Variants in CABIN1 observed in about 807,000 individuals in gnomAD.
The protein encoded by CABIN1 is calcineurin-binding protein cabin-1.
Under a neutral mutation model 227.7 loss-of-function variants are expected in CABIN1, and 133 were observed. That is an observed-to-expected ratio of 0.58 (90% CI 0.51 to 0.67). The LOEUF is 0.67. CABIN1 is among the 30% of genes least tolerant of loss of function. The pLI is 0.00. For synonymous variants in CABIN1, 1,086 were observed against 1,155.1 expected, an observed-to-expected ratio of 0.94 and a Z score of 1.21; for missense variants, 2,408 against 2,852.5, an observed-to-expected ratio of 0.84 and a Z score of 3.55.
intron 19 of CABIN1, 120 bp downstream of exon 19, chr22:24,076,404 G>T (rs1261830585): frequency 2.6e-6 from 2 of 759,918 alleles, no homozygotes; most frequent in African/African-American, 3.4e-5. Flanking sequence ...TCCCTCAGTG[G>T]GCCCACTGTG....
chr22:24,157,279 C>T lies in CABIN1; in HGVS notation c.4747-7121C>T, dbSNP rs544998568. Among the ~76,000 whole-genome samples the T allele has an allele frequency of 6.6e-5, 10 of 152,294 alleles. No homozygotes were observed. In the East Asian group the frequency reaches 1.9e-3, roughly 29 times the overall value. The stretch of plus-strand genomic sequence containing the variant: ...TGCGGGAGGGGCCAGACCCTCAGCT[C>T]CTCAGGGCATCAGGAAGATAGGGAG... On this transcript the variant is annotated intron_variant, in intron 29 of 36. Coordinates refer to ENST00000263119, the MANE Select transcript of CABIN1 (RefSeq NM_012295.4).
chr22:24,034,268 G>A (rs1289049286), intron 1 of CABIN1, among the ~76,000 whole-genome samples: 1 of 152,178 alleles, frequency 6.6e-6, no homozygotes, highest in Non-Finnish European at 1.5e-5. Context: ...CTGTGGCCTG[G>A]GGGCTGGGGA....
chr22:24,158,467 C>T (rs2045965781), intron 29 of CABIN1, among the ~76,000 whole-genome samples: 1 of 152,210 alleles, frequency 6.6e-6, no homozygotes, highest in Non-Finnish European at 1.5e-5. Context: ...GTGAAGGGCT[C>T]TGTGGTCATT....
chr22:24,067,403 AGGGTGAAC>A (rs573937895), intron 16 of CABIN1, among the ~76,000 whole-genome samples: 104 of 152,360 alleles, frequency 6.8e-4, no homozygotes, highest in African/African-American at 2.4e-3. Context: ...TGCGTGGCTC[AGGGTGAAC>A]CCCACACTTG....
At chr22:24,043,510 A>T (rs929910028) in intron 6 of CABIN1, among the ~76,000 whole-genome samples, 2 of 151,880 alleles carry the variant, frequency 1.3e-5, no homozygotes, top group African/African-American at 4.8e-5. Context: ...CCAGCACTTT[A>T]GGGGGCCAAG....
At chr22:24,042,818 C>CCGTG in intron 5 of CABIN1, 86 bp from the exon 6 acceptor site, 2 of 685,056 alleles carry the variant, frequency 2.9e-6, no homozygotes, top group South Asian at 1.6e-5. Context: ...AGAGATCTGA[C>CCGTG]TGTGTGTGTG....
chr22:24,145,333 A>G (rs898144495), intron 29 of CABIN1, among the ~76,000 whole-genome samples: 1 of 152,208 alleles, frequency 6.6e-6, no homozygotes, highest in African/African-American at 2.4e-5. Context: ...ACCATTCCTC[A>G]GGGCTCCAAA....
At chr22:24,043,619 G>A (rs1260519348) in intron 6 of CABIN1, among the ~76,000 whole-genome samples, 2 of 152,046 alleles carry the variant, frequency 1.3e-5, no homozygotes, top group Non-Finnish European at 1.5e-5. Flanking sequence ...GGACTTGATG[G>A]TGCGTGACTG....
intron 31 of CABIN1, among the ~76,000 whole-genome samples, chr22:24,165,994 G>A (rs2046423829): frequency 6.6e-6 from 1 of 152,218 alleles, no homozygotes; most frequent in South Asian, 2.1e-4. Context: ...CTTGAGGCAG[G>A]TGCAGCAGTA....
At chr22:24,152,218 T>C (rs1475805736) in intron 29 of CABIN1, among the ~76,000 whole-genome samples, 2 of 152,234 alleles carry the variant, frequency 1.3e-5, no homozygotes, top group East Asian at 1.9e-4. Context: ...CATTTCTGTC[T>C]TCCTCATCTC....
At chr22:24,121,493 C>G (rs1387213017) in intron 28 of CABIN1, among the ~76,000 whole-genome samples, 1 of 152,250 alleles carries the variant, frequency 6.6e-6, no homozygotes, top group Non-Finnish European at 1.5e-5. Context: ...GTTGGTGCCA[C>G]ACTGGAGCCT....
chr22:24,171,441 A>G (rs1300307849), intron 33 of CABIN1, among the ~76,000 whole-genome samples: 1 of 152,120 alleles, frequency 6.6e-6, no homozygotes, highest in African/African-American at 2.4e-5. Context: ...AGGTCCTTCC[A>G]CTGAGTCCCC....
chr22:24,085,284 G>A, intron 22 of CABIN1, 133 bp downstream of exon 22: 1 of 969,860 alleles, frequency 1.0e-6, no homozygotes, highest in Non-Finnish European at 1.6e-6. Flanking sequence ...CGGAATGAGA[G>A]GGTGGTTTAG....
At chr22:24,012,444 CAGACTGAG>C (rs1417571122) in intron 1 of CABIN1, among the ~76,000 whole-genome samples, 2 of 152,102 alleles carry the variant, frequency 1.3e-5, no homozygotes, top group African/African-American at 4.8e-5. Flanking sequence ...TGAGGGGAAA[CAGACTGAG>C]AGACTGACAT....
chr22:24,102,282 T>C (rs1033918049), intron 26 of CABIN1: 2 of 152,244 alleles, frequency 1.3e-5, no homozygotes, highest in Non-Finnish European at 2.9e-5. Flanking sequence ...AGCCCTGCTT[T>C]GGGATGTGTT....
At chr22:24,064,293 C>T (rs1045753893) in intron 15 of CABIN1, 106 bp downstream of exon 15, 2 of 1,223,300 alleles carry the variant, frequency 1.6e-6, no homozygotes, top group African/African-American at 1.5e-5. Flanking sequence ...GCAACCTACA[C>T]CTCTGGGGTT....
Position 24,165,621 on chromosome 22 carries a change from G to A in CABIN1, c.5002G>A (p.Ala1668Thr), listed in dbSNP as rs749527750. 116 of 1,611,684 alleles carry A rather than the reference G, an allele frequency of 7.2e-5. 1 individual carries two copies. The Admixed American group carries it at 8.5e-4, about 12-fold the overall frequency. Residue 1668 changes from alanine (A) to threonine (T), a missense_variant, in exon 31 of 37, where the codon GCA becomes ACA. By Grantham distance (58) the Ala-to-Thr change is moderately conservative. Around this residue, in one of 3 missense-constraint regions of CABIN1, gnomAD observed 714 missense variants for 773.8 expected, o/e 0.92. Coordinates refer to ENST00000263119, the MANE Select transcript of CABIN1 (RefSeq NM_012295.4). Reference protein sequence around the residue: ...KVLEDTLSELAEGSERPGPKV... With the variant: ...KVLEDTLSELTEGSERPGPKV... The stretch of plus-strand genomic sequence containing the variant: ...GCTCGAAGACACGCTGAGCGAGCTC[G>A]CAGAGGTATGCCACCTGTGTCCTCC...
intron 3 of CABIN1, among the ~76,000 whole-genome samples, chr22:24,037,939 A>G (rs1239900861): frequency 6.6e-6 from 1 of 152,206 alleles, no homozygotes; most frequent in Non-Finnish European, 1.5e-5. Flanking sequence ...AAAACACTTT[A>G]CATTTACCAA....
At chr22:24,059,869 C>G (rs1399093944) in intron 11 of CABIN1, 55 bp from the exon 12 acceptor site, 2 of 1,470,656 alleles carry the variant, frequency 1.4e-6, no homozygotes, top group African/African-American at 2.8e-5. Flanking sequence ...AATAGGAGAC[C>G]CTGGCATGGA....
Sources: allele counts gnomAD v4.1 joint callset (sites outside exome capture counted in the v4.1 genomes callset), GRCh38; gene constraint gnomAD v4.1.1; regional missense constraint gnomAD v4.1.1; transcripts MANE v1.5; gene names NCBI Gene and HGNC (gene_info 2026-07-23, HGNC 2026-07-21).